CYP4F2: variants seen among roughly 807,000 people sequenced by gnomAD.
CYP4F2 encodes the protein cytochrome P450 4F2.
CYP4F2 carries 58 observed loss-of-function variants against 58.9 expected under a neutral mutation model. The observed-to-expected ratio is 0.98, with a 90% CI of 0.80 to 1.23. The LOEUF (loss-of-function observed/expected upper bound fraction) is 1.23. Among genes scored for constraint, CYP4F2 ranks in the 50% most tolerant of loss-of-function variants. CYP4F2 has a pLI of 0.00. For synonymous variants in CYP4F2, 287 were observed against 261.1 expected (o/e 1.10, Z -0.95); for missense variants, 616 against 685.6 (o/e 0.90, Z 1.13).
intron 9 of CYP4F2, among the ~76,000 whole-genome samples, chr19:15,880,302 A>G (rs1599347302): frequency 6.6e-6 from 1 of 152,190 alleles, no homozygotes; most frequent in African/African-American, 2.4e-5. Flanking sequence ...AAAAGTTGAA[A>G]GGCAATATTT....
chr19:15,888,331 C>T (rs2089394978), intron 7 of CYP4F2, among the ~76,000 whole-genome samples: 1 of 151,956 alleles, frequency 6.6e-6, no homozygotes, highest in African/African-American at 2.4e-5. Context: ...CACACAAATA[C>T]ACATAAACAT....
intron 6 of CYP4F2, 107 bp downstream of exon 6, chr19:15,890,205 A>G (rs2145009660): frequency 6.3e-7 from 1 of 1,581,512 alleles, no homozygotes; most frequent in East Asian, 2.3e-5. Flanking sequence ...AGGTATAACA[A>G]AACTCCTCCA....
intron 9 of CYP4F2, among the ~76,000 whole-genome samples, chr19:15,882,205 A>G (rs893494231): frequency 1.3e-5 from 2 of 151,974 alleles, no homozygotes; most frequent in African/African-American, 4.8e-5. Context: ...AGATCGTGCC[A>G]CTGCACTCCA....
rs748349858 is a variant in CYP4F2, at chr19:15,892,408, G to C, written c.426C>G (p.Asp142Glu). 1.9e-6 allele frequency: 3 copies of C among 1,614,068 alleles called. No homozygotes were observed. The highest frequency in any genetic ancestry group is 3.3e-5 in the Admixed American group (2 of 60,008). The change falls in exon 5 of 13, where the codon GAC becomes GAG. Residue 142 changes from aspartate (D) to glutamate (E), a missense_variant. By Grantham distance (45) the Asp-to-Glu change is conservative. Transcript: ENST00000221700. ...GCATCCGACGGTGGCGGCTCCACTT[G>C]TCACCAGCACTCAGCAGGAGCCCAT... ...LGDGLLLSAG[D>E]KWSRHRRMLT...
chr19:15,896,374 G>A (rs755707742), intron 2 of CYP4F2, among the ~76,000 whole-genome samples: 1 of 152,136 alleles, frequency 6.6e-6, no homozygotes, highest in Non-Finnish European at 1.5e-5. Flanking sequence ...CAGGGCAGAG[G>A]GAGAAGACGC....
At chr19:15,885,428 G>A (rs1394757496) in intron 9 of CYP4F2, among the ~76,000 whole-genome samples, 3 of 152,140 alleles carry the variant, frequency 2.0e-5, no homozygotes, top group Non-Finnish European at 4.4e-5. Flanking sequence ...CACAGATGTG[G>A]GGGTGAAAAT....
intron 5 of CYP4F2, 130 bp from the exon 6 acceptor site, chr19:15,890,563 A>T (rs2089410708): frequency 7.1e-7 from 1 of 1,416,924 alleles, no homozygotes; most frequent in South Asian, 1.4e-5. Flanking sequence ...CTCCCCAGGG[A>T]GCACCAGGTT....
intron 3 of CYP4F2, among the ~76,000 whole-genome samples, chr19:15,892,839 C>T (rs1351468287): frequency 1.3e-5 from 2 of 152,264 alleles, no homozygotes; most frequent in Middle Eastern, 3.4e-3. Context: ...CATGCCTTGA[C>T]ATGCCTCCTA....
At chr19:15,889,118 A>G (rs1161820503) in intron 7 of CYP4F2, among the ~76,000 whole-genome samples, 2 of 152,252 alleles carry the variant, frequency 1.3e-5, no homozygotes, top group Non-Finnish European at 2.9e-5. Context: ...AGAAAGACAT[A>G]GGCAAAAACA....
chr19:15,894,694 G>C (rs2089438068), intron 3 of CYP4F2, among the ~76,000 whole-genome samples: 1 of 152,164 alleles, frequency 6.6e-6, no homozygotes, highest in Admixed American at 6.5e-5. Flanking sequence ...TACCAGCCCA[G>C]AGTCACTCAG....
At chr19:15,892,094 A>G (rs1375945772) in intron 5 of CYP4F2, among the ~76,000 whole-genome samples, 1 of 152,192 alleles carries the variant, frequency 6.6e-6, no homozygotes, top group African/African-American at 2.4e-5. Context: ...CCTTCTGGGC[A>G]CCTGCTATGC....
chr19:15,883,427 T>A (rs545824833), intron 9 of CYP4F2, among the ~76,000 whole-genome samples: 1 of 152,284 alleles, frequency 6.6e-6, no homozygotes, highest in African/African-American at 2.4e-5. Flanking sequence ...CACAATGAGA[T>A]ATCATCTCAT....
At chr19:15,880,043 A>T in intron 9 of CYP4F2, 146 bp from the exon 10 acceptor site, 1 of 1,539,634 alleles carries the variant, frequency 6.5e-7, no homozygotes, top group South Asian at 1.2e-5. Context: ...GAATAAAAAT[A>T]GTGTGGCACT....
chr19:15,880,140 A>G (rs1370625515), intron 9 of CYP4F2, among the ~76,000 whole-genome samples: 1 of 152,218 alleles, frequency 6.6e-6, no homozygotes, highest in Non-Finnish European at 1.5e-5. Context: ...CACATTTGAT[A>G]AAGACAGCCC....
At chr19:15,889,129 T>C (rs1390720709) in intron 7 of CYP4F2, among the ~76,000 whole-genome samples, 1 of 152,042 alleles carries the variant, frequency 6.6e-6, no homozygotes, top group East Asian at 1.9e-4. Context: ...GGCAAAAACA[T>C]AAACATAGAC....
intron 9 of CYP4F2, among the ~76,000 whole-genome samples, chr19:15,880,521 G>A (rs1463806265): frequency 3.3e-5 from 5 of 151,848 alleles, no homozygotes; most frequent in South Asian, 2.1e-4. Flanking sequence ...CCAGCTACTC[G>A]GGAGGCTGAG....
Position 15,878,480 on chromosome 19 carries a change from C to T in CYP4F2, c.*291G>A, listed in dbSNP as rs995648812. On this transcript the variant is annotated 3_prime_UTR_variant, in exon 13 of 13. Coordinates refer to ENST00000221700, the MANE Select transcript of CYP4F2 (RefSeq NM_001082.5). ...TGTAGTAGGGATCACTGCTTCATTC[C>T]TTTTTATGGCTGTGTAATACTCCAT... is the stretch of plus-strand genomic sequence containing the variant. The T allele has an allele frequency of 6.0e-5, 29 of 481,094 alleles. No individual in the cohort carries two copies. The highest frequency in any genetic ancestry group is 8.7e-5 in the Non-Finnish European group (24 of 274,524). The allele number at this position is 481,094 out of a possible 1,614,324, so 29.8% of individuals were successfully genotyped here.
In CYP4F2 at chr19:15,897,486, A is replaced by C; in HGVS notation, c.126T>G (p.Tyr42Ter). The C allele has an allele frequency of 6.2e-7, 1 of 1,613,990 alleles. No homozygotes were observed. The highest frequency in any genetic ancestry group is 8.5e-7 in the Non-Finnish European group (1 of 1,179,962). ...AACACCGAAGGCGGCGGCAGTTGTCATAGAAGGCGTAGGTCCAGGCCAGGA... is the reference window on the plus strand; with the variant it reads ...AACACCGAAGGCGGCGGCAGTTGTCCTAGAAGGCGTAGGTCCAGGCCAGGA... ...AHVLAWTYAF[Y>*]DNCRRLRCFP... The change falls in exon 2 of 13, where the codon TAT becomes TAG. Residue 42 changes from tyrosine to a stop codon, truncating the protein, a stop_gained. Coordinates refer to ENST00000221700, the MANE Select transcript of CYP4F2 (RefSeq NM_001082.5). LOFTEE classifies it high-confidence loss of function.
intron 9 of CYP4F2, among the ~76,000 whole-genome samples, chr19:15,884,560 G>C (rs1460934151): frequency 6.6e-6 from 1 of 152,142 alleles, no homozygotes; most frequent in African/African-American, 2.4e-5. Context: ...ATCTTTACCA[G>C]TTATATGAAT....
Sources: gnomAD v4.1 joint callset for allele counts (sites outside exome capture counted in the v4.1 genomes callset) on GRCh38, gnomAD v4.1.1 for gene constraint, MANE v1.5 for transcripts, NCBI Gene and HGNC (gene_info 2026-07-23, HGNC 2026-07-21) for gene names.